ROBO2: variants seen among roughly 807,000 people sequenced by gnomAD.
ROBO2 encodes the protein roundabout guidance receptor 2.
ROBO2 carries 53 observed loss-of-function variants against 160.8 expected under a neutral mutation model. The observed-to-expected ratio is 0.33, with a 90% CI of 0.26 to 0.41. The LOEUF is 0.41. ROBO2 is among the 10% of genes least tolerant of loss of function. The pLI, the probability that ROBO2 is intolerant of heterozygous loss-of-function variation, is 1.00. For synonymous variants in ROBO2, 664 were observed against 611.7 expected (o/e 1.09, Z -1.26); for missense variants, 1,577 against 1,722.4 (o/e 0.92, Z 1.49).
intron 2 of ROBO2, among the ~76,000 whole-genome samples, chr3:77,425,313 A>AGAAAAGCAAACAGATGATGTGGT (rs1314581097): frequency 7.2e-5 from 11 of 152,208 alleles, no homozygotes; most frequent in African/African-American, 2.7e-4. Context: ...AAGTATGTTA[A>AGAAAAGCAAACAGATGATGTGGT]GAAAAGCAAA....
At chr3:76,104,227 T>C (rs2069825717) in intron 2 of ROBO2, among the ~76,000 whole-genome samples, 1 of 152,232 alleles carries the variant, frequency 6.6e-6, no homozygotes, top group Non-Finnish European at 1.5e-5. Flanking sequence ...TTTAAACCTT[T>C]TAGCTTTAGC....
intron 2 of ROBO2, among the ~76,000 whole-genome samples, chr3:76,731,403 T>C (rs1026288285): frequency 3.3e-5 from 5 of 152,190 alleles, no homozygotes; most frequent in African/African-American, 1.2e-4. Context: ...TTATGCATTT[T>C]CCAGGCAAAT....
At chr3:77,298,381 A>G (rs539286179) in intron 2 of ROBO2, among the ~76,000 whole-genome samples, 6 of 152,306 alleles carry the variant, frequency 3.9e-5, no homozygotes, top group Middle Eastern at 3.4e-3. Context: ...AGGAACTCCA[A>G]TCCCAACCCC....
chr3:76,589,116 A>G (rs1248990219), intron 2 of ROBO2, among the ~76,000 whole-genome samples: 1 of 152,192 alleles, frequency 6.6e-6, no homozygotes, highest in Non-Finnish European at 1.5e-5. Context: ...TGGTCTCAAC[A>G]CAAAAGAAAG....
chr3:75,913,639 CA>C (rs1206744671), intron 1 of ROBO2, among the ~76,000 whole-genome samples: 1 of 152,006 alleles, frequency 6.6e-6, no homozygotes, highest in Non-Finnish European at 1.5e-5. Context: ...CTGCTGGGGT[CA>C]AAAATATTAA....
At chr3:76,592,893 T>G (rs1353212419) in intron 2 of ROBO2, among the ~76,000 whole-genome samples, 1 of 152,046 alleles carries the variant, frequency 6.6e-6, no homozygotes, top group Non-Finnish European at 1.5e-5. Context: ...AAAAAGATGT[T>G]CACATTCTTA....
rs917069186 is a variant in ROBO2, at chr3:76,131,397, G to A, written c.109+193795G>A. Among the ~76,000 whole-genome samples, 6 of 152,198 alleles carry A rather than the reference G, an allele frequency of 3.9e-5. No individual in the cohort carries two copies. In the East Asian group the frequency reaches 1.2e-3, roughly 29 times the overall value. On this transcript the variant is annotated intron_variant, in intron 2 of 26. Coordinates refer to the ROBO2 transcript ENST00000487694. ...AACGGATGCTTTACATGTTACGACT[G>A]TTCCTTAGGTCAAGTTTCTTGAAAA...
At chr3:76,068,085 T>G (rs2068319295) in intron 2 of ROBO2, among the ~76,000 whole-genome samples, 1 of 152,154 alleles carries the variant, frequency 6.6e-6, no homozygotes, top group Non-Finnish European at 1.5e-5. Flanking sequence ...CAGGAAAGAC[T>G]TCATTAAGCA....
At chr3:76,418,189 G>A (rs1161198499) in intron 2 of ROBO2, among the ~76,000 whole-genome samples, 2 of 151,750 alleles carry the variant, frequency 1.3e-5, no homozygotes, top group African/African-American at 2.4e-5. Context: ...TTGCCAATGG[G>A]ATATACCAAA....
intron 2 of ROBO2, among the ~76,000 whole-genome samples, chr3:75,962,486 C>A (rs1948952661): frequency 6.6e-6 from 1 of 151,764 alleles, no homozygotes; most frequent in Non-Finnish European, 1.5e-5. Context: ...ATCTTTGTTT[C>A]TTTGCCTCCG....
At chr3:76,661,581 G>A (rs988255367) in intron 2 of ROBO2, among the ~76,000 whole-genome samples, 7 of 152,180 alleles carry the variant, frequency 4.6e-5, no homozygotes, top group Non-Finnish European at 1.0e-4. Context: ...GGGATATCTT[G>A]AGGGGTCTGG....
chr3:76,615,577 A>G (rs2088517190), intron 2 of ROBO2, among the ~76,000 whole-genome samples: 1 of 152,182 alleles, frequency 6.6e-6, no homozygotes, highest in South Asian at 2.1e-4. Flanking sequence ...AGTGAAATGC[A>G]AACAGTTTAT....
chr3:76,042,043 C>T (rs1180344821), intron 2 of ROBO2, among the ~76,000 whole-genome samples: 2 of 142,030 alleles, frequency 1.4e-5, no homozygotes, highest in African/African-American at 5.1e-5. Context: ...AAAAAAAAAA[C>T]ACCCCAGAAC....
intron 2 of ROBO2, among the ~76,000 whole-genome samples, chr3:76,261,195 T>A (rs1255843383): frequency 2.0e-4 from 25 of 127,728 alleles, no homozygotes; most frequent in Non-Finnish European, 3.4e-4. Context: ...TGTGTGTGTG[T>A]GTGTGTGTAT....
At chr3:77,456,283 A>G (rs2081628976) in intron 2 of ROBO2, among the ~76,000 whole-genome samples, 1 of 152,234 alleles carries the variant, frequency 6.6e-6, no homozygotes. Context: ...AAGTGTGAAC[A>G]GGAGTTGCTG....
intron 2 of ROBO2, among the ~76,000 whole-genome samples, chr3:76,356,166 A>G (rs571902756): frequency 6.6e-6 from 1 of 151,746 alleles, no homozygotes; most frequent in Admixed American, 6.6e-5. Context: ...TGAGAACAAT[A>G]CATAAACATG....
intron 2 of ROBO2, among the ~76,000 whole-genome samples, chr3:76,648,522 A>G (rs2091093171): frequency 6.6e-6 from 1 of 152,138 alleles, no homozygotes; most frequent in Non-Finnish European, 1.5e-5. Context: ...CTATTCAATA[A>G]TAGCATTATA....
At chr3:77,240,142 G>T (rs567840909) in intron 2 of ROBO2, among the ~76,000 whole-genome samples, 131 of 152,274 alleles carry the variant, frequency 8.6e-4, no homozygotes, top group African/African-American at 2.9e-3. Flanking sequence ...TGGAGCATGG[G>T]GCGGCGCCCG....
rs1352687362 is a variant in ROBO2 at position 77,384,430 on chromosome 3, A to T, written c.389-92984A>T. Among the ~76,000 whole-genome samples, 3 of 152,136 alleles carry T rather than the reference A, an allele frequency of 2.0e-5. No homozygotes were observed. In the South Asian group the frequency reaches 6.2e-4, roughly 32 times the overall value. On this transcript the variant is annotated intron_variant, in intron 2 of 25. Transcript: ENST00000461745. ...TTTTTCTTCAATGTTATTTATCTTT[A>T]AAAAAAGTCCAGGAGTAGAAAGTAT...
Sources: gnomAD v4.1 joint callset for allele counts (sites outside exome capture counted in the v4.1 genomes callset) on GRCh38, gnomAD v4.1.1 for gene constraint, MANE v1.5 for transcripts, NCBI Gene and HGNC (gene_info 2026-07-23, HGNC 2026-07-21) for gene names.